NLK: variants seen among roughly 807,000 people sequenced by gnomAD.
NLK encodes the protein serine/threonine-protein kinase NLK.
A neutral mutation model predicts 59.0 loss-of-function variants in NLK; 11 were observed. The observed-to-expected ratio is 0.19, with a 90% CI of 0.12 to 0.31. NLK has a LOEUF of 0.31. Ranked by LOEUF, NLK falls within the 10% of genes least tolerant of loss-of-function variation. The pLI is 1.00. For synonymous variants in NLK, 235 were observed against 235.9 expected (o/e 1.00, Z 0.03); for missense variants, 410 against 661.1 (o/e 0.62, Z 4.16).
At chr17:28,088,693 T>A (rs924235901) in intron 1 of NLK, among the ~76,000 whole-genome samples, 2 of 152,184 alleles carry the variant, frequency 1.3e-5, no homozygotes, top group Non-Finnish European at 2.9e-5. Context: ...GGCTCCTGAG[T>A]CCTTTTGACA....
intron 1 of NLK, among the ~76,000 whole-genome samples, chr17:28,093,069 A>T (rs1270353336): frequency 6.6e-6 from 1 of 152,110 alleles, no homozygotes; most frequent in Non-Finnish European, 1.5e-5. Flanking sequence ...CTGGGATTAC[A>T]GGCGTGAACC....
chr17:28,162,382 C>T (rs2142048816), intron 4 of NLK, among the ~76,000 whole-genome samples: 1 of 152,130 alleles, frequency 6.6e-6, no homozygotes, highest in East Asian at 1.9e-4. Flanking sequence ...CCTGTAATCC[C>T]AGCGCTTTGG....
At chr17:28,183,990 A>C (rs1567740118) in intron 7 of NLK, among the ~76,000 whole-genome samples, 1 of 152,214 alleles carries the variant, frequency 6.6e-6, no homozygotes, top group Non-Finnish European at 1.5e-5. Flanking sequence ...GATGCCATTT[A>C]CCTGCTCTGT....
At chr17:28,152,265 G>A (rs1907511927) in intron 3 of NLK, among the ~76,000 whole-genome samples, 1 of 152,178 alleles carries the variant, frequency 6.6e-6, no homozygotes, top group African/African-American at 2.4e-5. Flanking sequence ...GTCACTGTTA[G>A]AATAAAGCAT....
intron 1 of NLK, among the ~76,000 whole-genome samples, chr17:28,079,839 T>G (rs954939958): frequency 6.6e-6 from 1 of 152,240 alleles, no homozygotes; most frequent in Non-Finnish European, 1.5e-5. Flanking sequence ...TTCATCTGTT[T>G]TTGCTTTTGT....
chr17:28,136,795 G>T (rs960533888), intron 3 of NLK, among the ~76,000 whole-genome samples: 4 of 151,968 alleles, frequency 2.6e-5, no homozygotes, highest in Admixed American at 2.6e-4. Context: ...TACAGACGAG[G>T]TTTCACCATG....
chr17:28,139,178 C>T (rs1906882263), intron 3 of NLK, among the ~76,000 whole-genome samples: 1 of 152,238 alleles, frequency 6.6e-6, no homozygotes, highest in South Asian at 2.1e-4. Context: ...ATCTCTTGAA[C>T]CCAGGAGGTG....
At chr17:28,127,147 T>G (rs1906322824) in intron 2 of NLK, among the ~76,000 whole-genome samples, 1 of 152,150 alleles carries the variant, frequency 6.6e-6, no homozygotes, top group Admixed American at 6.5e-5. Flanking sequence ...AGGCGGCGAT[T>G]CTATTTGAAG....
chr17:28,043,031 T>G lies in NLK; in HGVS notation c.158T>G (p.Leu53Arg). Reference protein sequence around the residue: ...LHHHHHPQHHLHPGSAAAVHP... With the variant: ...LHHHHHPQHHRHPGSAAAVHP... ...CACCACCACCACCCTCAACACCATC[T>G]TCATCCGGGGTCGGCTGCCGCTGTA... Residue 53 changes from leucine (L) to arginine (R), a missense_variant, in exon 1 of 11, where the codon CTT becomes CGT. Around this residue, in one of 5 missense-constraint regions of NLK, gnomAD observed 160 missense variants for 171.0 expected, o/e 0.94. Coordinates refer to ENST00000407008, the MANE Select transcript of NLK (RefSeq NM_016231.5). The G allele has an allele frequency of 6.4e-7, 1 of 1,556,464 alleles. No individual in the cohort carries two copies. The highest frequency in any genetic ancestry group is 8.7e-7 in the Non-Finnish European group (1 of 1,149,416).
intron 1 of NLK, among the ~76,000 whole-genome samples, chr17:28,089,637 A>T (rs1040245566): frequency 2.6e-5 from 4 of 152,080 alleles, no homozygotes; most frequent in Non-Finnish European, 5.9e-5. Context: ...TAATTTTTTT[A>T]AGTTAAATTG....
intron 7 of NLK, among the ~76,000 whole-genome samples, chr17:28,180,364 T>C (rs1376100708): frequency 6.6e-6 from 1 of 152,202 alleles, no homozygotes; most frequent in East Asian, 1.9e-4. Flanking sequence ...CACTGGCATA[T>C]AGAACTACTT....
intron 1 of NLK, among the ~76,000 whole-genome samples, chr17:28,096,442 C>A (rs1904702878): frequency 6.6e-6 from 1 of 152,026 alleles, no homozygotes; most frequent in Non-Finnish European, 1.5e-5. Flanking sequence ...ATGAAGTGTT[C>A]TTGTAATTTT....
intron 1 of NLK, among the ~76,000 whole-genome samples, chr17:28,063,207 C>T (rs780899529): frequency 1.3e-5 from 2 of 152,326 alleles, no homozygotes; most frequent in South Asian, 2.1e-4. Flanking sequence ...GCTGGGATTA[C>T]AGGCATAAGC....
intron 1 of NLK, among the ~76,000 whole-genome samples, chr17:28,101,538 C>A (rs1190040927): frequency 6.6e-6 from 1 of 152,006 alleles, no homozygotes; most frequent in African/African-American, 2.4e-5. Flanking sequence ...GTGTGTGCTT[C>A]TTTTGTAAAC....
intron 9 of NLK, 67 bp from the exon 10 acceptor site, chr17:28,192,053 G>C (rs554772495): frequency 3.6e-6 from 3 of 842,334 alleles, no homozygotes; most frequent in African/African-American, 3.4e-5. Context: ...GCTAGAGTTC[G>C]CTGAGAATTC....
At chr17:28,081,313 G>C (rs1399530047) in intron 1 of NLK, among the ~76,000 whole-genome samples, 1 of 151,814 alleles carries the variant, frequency 6.6e-6, no homozygotes, top group African/African-American at 2.4e-5. Flanking sequence ...AGTCTCCTGA[G>C]TAACTGGGAC....
At chr17:28,200,387 A>G (rs1371032163), downstream of NLK, among the ~76,000 whole-genome samples, 1 of 152,246 alleles carries the variant, frequency 6.6e-6, no homozygotes, top group East Asian at 1.9e-4. Flanking sequence ...TCCACTATTC[A>G]GACACCATTG....
At position 28,179,877 on chromosome 17, in the gene NLK, T is replaced by G. The variant is rs867945664; in HGVS notation, c.1150-5302T>G. On this transcript the variant is annotated intron_variant, in intron 7 of 10. Transcript: ENST00000407008. Reference sequence around the variant, plus strand: ...CATATTTCTAAGCATTCTTGGTTTTTTTTTTTTTTTTTTTTTTTTTGCTTA... The same window carrying G: ...CATATTTCTAAGCATTCTTGGTTTTGTTTTTTTTTTTTTTTTTTTTGCTTA... Among the ~76,000 whole-genome samples, 84 of 147,994 alleles carry G rather than the reference T, an allele frequency of 5.7e-4. No homozygotes were observed. The Middle Eastern group carries it at 0.01, about 18-fold the overall frequency.
chr17:28,078,149 T>C (rs1018632558), intron 1 of NLK, among the ~76,000 whole-genome samples: 10 of 152,188 alleles, frequency 6.6e-5, no homozygotes, highest in African/African-American at 2.4e-4. Flanking sequence ...ATTATTTTTT[T>C]CTCCCAGAAA....
Sources: allele counts gnomAD v4.1 joint callset (sites outside exome capture counted in the v4.1 genomes callset), GRCh38; gene constraint gnomAD v4.1.1; regional missense constraint gnomAD v4.1.1; transcripts MANE v1.5; gene names NCBI Gene and HGNC (gene_info 2026-07-23, HGNC 2026-07-21).